The following ATP5MJ variants were observed in gnomAD, a reference collection of about 807,000 sequenced individuals.
The protein encoded by ATP5MJ is ATP synthase membrane subunit j, also known as ATP synthase F(0) complex subunit j, mitochondrial.
In ATP5MJ, 4 loss-of-function variants were observed where a neutral mutation model predicts 8.3. The ratio of observed to expected loss-of-function variants is 0.48; its 90% CI spans 0.24 to 1.11. The LOEUF is 1.11. Among genes scored for constraint, ATP5MJ ranks in the 50% least tolerant of loss-of-function variants. ATP5MJ has a pLI of 0.18. For missense variants in ATP5MJ, 66 were observed against 71.8 expected (o/e 0.92, Z 0.29); for synonymous variants, 23 against 21.3 (o/e 1.08, Z -0.23).
chr14:103,914,334 A>AT (rs1329140901), intron 2 of ATP5MJ: 2 of 536,840 alleles, frequency 3.7e-6, no homozygotes, highest in African/African-American at 1.9e-5. Context: ...TCCCCTCCAA[A>AT]TTTTTTTACA....
chr14:103,920,361 T>C (rs566004133), intron 1 of ATP5MJ, among the ~76,000 whole-genome samples: 59 of 151,290 alleles, frequency 3.9e-4, no homozygotes, highest in Non-Finnish European at 7.2e-4. Flanking sequence ...CTCGATCTCT[T>C]GACCTCGTGA....
Position 103,912,546 on chromosome 14 carries a change from T to C in ATP5MJ, c.*120A>G. The stretch of plus-strand genomic sequence containing the variant: ...CTCACAGATCCATTTATTCATGCCA[T>C]GAAGTAAACGGTACTTATACAAGTG... On this transcript the variant is annotated 3_prime_UTR_variant, in exon 4 of 4. Transcript: ENST00000286953. The C allele has an allele frequency of 9.8e-7, 1 of 1,023,538 alleles. No individual in the cohort carries two copies. Among genetic ancestry groups the C allele is most frequent in the Admixed American group, 2.0e-5 (1 of 49,408 alleles). 63.4% of individuals were successfully genotyped at this position (1,023,538 alleles called of 1,614,324 possible).
chr14:103,915,980 G>A (rs762399556), intron 1 of ATP5MJ, among the ~76,000 whole-genome samples: 31 of 152,226 alleles, frequency 2.0e-4, no homozygotes, highest in Middle Eastern at 3.4e-3. Flanking sequence ...TCTTCTCATC[G>A]TCATGTAATG....
chr14:103,914,072 G>T, intron 2 of ATP5MJ, 88 bp from the exon 3 acceptor site: 2 of 1,219,630 alleles, frequency 1.6e-6, no homozygotes, highest in Non-Finnish European at 2.3e-6. Context: ...TGAAGGCATT[G>T]TAGCTTAGGT....
At chr14:103,921,317 C>T (rs2087676744) in intron 1 of ATP5MJ, 153 bp downstream of exon 1, 2 of 314,266 alleles carry the variant, frequency 6.4e-6, no homozygotes, top group Non-Finnish European at 1.2e-5. Context: ...CCCTGGCCTA[C>T]CTCCCTTCAG....
At chr14:103,919,037 G>A (rs1273728390) in intron 1 of ATP5MJ, among the ~76,000 whole-genome samples, 6 of 150,484 alleles carry the variant, frequency 4.0e-5, no homozygotes, top group Non-Finnish European at 8.9e-5. Context: ...CAAAAACAAA[G>A]GAGAAACCTA....
At chr14:103,915,648 A>ATTTT (rs542646013) in intron 1 of ATP5MJ, among the ~76,000 whole-genome samples, 59 of 132,882 alleles carry the variant, frequency 4.4e-4, no homozygotes, top group African/African-American at 1.5e-3. Flanking sequence ...GTGCCTGGCC[A>ATTTT]TTTTTTTTTT....
At chr14:103,915,293 T>C (rs890347635) in intron 1 of ATP5MJ, 104 bp from the exon 2 acceptor site, 21 of 1,334,672 alleles carry the variant, frequency 1.6e-5, no homozygotes, top group Admixed American at 2.0e-5. Flanking sequence ...CCATGACTGC[T>C]AGGGAGCCTC....
At chr14:103,920,684 A>G (rs2087669837) in intron 1 of ATP5MJ, among the ~76,000 whole-genome samples, 1 of 150,050 alleles carries the variant, frequency 6.7e-6, no homozygotes, top group Non-Finnish European at 1.5e-5. Flanking sequence ...GTTGGTAAGG[A>G]TGGTCTCGAT....
intron 1 of ATP5MJ, among the ~76,000 whole-genome samples, chr14:103,918,448 C>T (rs2087643212): frequency 2.0e-5 from 3 of 152,044 alleles, no homozygotes; most frequent in African/African-American, 7.2e-5. Flanking sequence ...GCAAGCTCCG[C>T]CTCCCGGGTT....
chr14:103,919,912 C>T (rs1172962845), intron 1 of ATP5MJ, among the ~76,000 whole-genome samples: 1 of 151,960 alleles, frequency 6.6e-6, no homozygotes, highest in African/African-American at 2.4e-5. Flanking sequence ...CTGCAACCTC[C>T]GCCTCCCGGG....
intron 1 of ATP5MJ, among the ~76,000 whole-genome samples, chr14:103,919,439 T>C (rs1473274895): frequency 1.4e-5 from 2 of 146,542 alleles, no homozygotes; most frequent in Non-Finnish European, 1.5e-5. Flanking sequence ...ACAGAATTGA[T>C]ACAAATATCC....
rs2087614981 is a variant in ATP5MJ, at chr14:103,915,126, G to A, written c.64C>T (p.Gln22Ter). 6.2e-6 allele frequency: 10 copies of A among 1,613,828 alleles called. No individual in the cohort carries two copies. Among genetic ancestry groups the A allele is most frequent in the East Asian group, 2.2e-5 (1 of 44,888 alleles). Residue 22 changes from glutamine to a stop codon, truncating the protein, a stop_gained, in exon 2 of 4, where the codon CAG becomes TAG. Transcript: ENST00000286953. LOFTEE classifies it high-confidence loss of function. ...AGCCCCATTCCTATCCAAATCTCCT[G>A]GTAAACTTTGGTGTAGTAGGGCTTC... Reference protein sequence around the residue: ...PMKPYYTKVYQEIWIGMGLMG... With the variant: ...PMKPYYTKVY
intron 2 of ATP5MJ, chr14:103,914,837 C>CAAAAAGAA (rs370479683): frequency 3.1e-5 from 6 of 191,090 alleles, no homozygotes; most frequent in African/African-American, 2.4e-4. Flanking sequence ...AGACTGTCTC[C>CAAAAAGAA]AAAAAAAAAA....
At chr14:103,916,703 A>G (rs574614864) in intron 1 of ATP5MJ, among the ~76,000 whole-genome samples, 124 of 152,244 alleles carry the variant, frequency 8.1e-4, no homozygotes, top group African/African-American at 2.9e-3. Context: ...CCATGATCAC[A>G]CCACTGCACT....
intron 2 of ATP5MJ, chr14:103,914,261 T>A: frequency 1.8e-6 from 1 of 566,478 alleles, no homozygotes; most frequent in Non-Finnish European, 3.1e-6. Context: ...TTGTAATCAA[T>A]GGCTTAGTAA....
intron 1 of ATP5MJ, among the ~76,000 whole-genome samples, chr14:103,918,383 A>G (rs1209067204): frequency 6.6e-6 from 1 of 150,530 alleles, no homozygotes; most frequent in African/African-American, 2.4e-5. Context: ...CTTTTTTGAG[A>G]CGGAGTCTCG....
chr14:103,917,083 A>G (rs2152107745), intron 1 of ATP5MJ, among the ~76,000 whole-genome samples: 1 of 152,256 alleles, frequency 6.6e-6, no homozygotes, highest in South Asian at 2.1e-4. Flanking sequence ...AAGGGTCAGG[A>G]TATCTGGGAG....
chr14:103,921,374 T>C, intron 1 of ATP5MJ, 96 bp downstream of exon 1: 1 of 275,630 alleles, frequency 3.6e-6, no homozygotes. Flanking sequence ...GGCGGAGGGG[T>C]GGAACCCCAA....
Sources: allele counts gnomAD v4.1 joint callset (sites outside exome capture counted in the v4.1 genomes callset), GRCh38; gene constraint gnomAD v4.1.1; transcripts MANE v1.5; gene names NCBI Gene and HGNC (gene_info 2026-07-23, HGNC 2026-07-21).